Variants in PRLR observed in about 807,000 individuals in gnomAD.
PRLR encodes the protein hPRL receptor.
Under a neutral mutation model 40.2 loss-of-function variants are expected in PRLR, and 13 were observed. The observed-to-expected ratio is 0.32, with a 90% confidence interval of 0.21 to 0.51. The LOEUF is 0.51. PRLR is among the 20% of genes least tolerant of loss of function. The pLI is 0.97. For synonymous variants in PRLR, 269 were observed against 278.7 expected (o/e 0.97, Z 0.35); for missense variants, 656 against 747.3 (o/e 0.88, Z 1.42).
Position 35,148,882 on chromosome 5 carries a change from C to T in PRLR, c.-105-30760G>A, listed in dbSNP as rs547981911. On this transcript the variant is annotated intron_variant, in intron 1 of 9. Coordinates refer to ENST00000618457, the MANE Select transcript of PRLR (RefSeq NM_000949.7). ...TAAAAAAGAAACAAATTACAGGTAC[C>T]GTGTAAGTTCTAAGGGGTCTTGGAA... is the stretch of plus-strand genomic sequence containing the variant. 4.0e-5 allele frequency among the ~76,000 whole-genome samples: 6 copies of T among 151,874 alleles called. No individual in the cohort carries two copies. In the East Asian group the frequency reaches 7.7e-4, roughly 20 times the overall value.
At chr5:35,135,624 C>T (rs773292583) in intron 1 of PRLR, among the ~76,000 whole-genome samples, 1 of 152,310 alleles carries the variant, frequency 6.6e-6, no homozygotes, top group African/African-American at 2.4e-5. Context: ...GTTTGCCACA[C>T]CCTGGAGTTT....
At chr5:35,228,799 G>GCCCACA (rs1776617682) in intron 1 of PRLR, among the ~76,000 whole-genome samples, 1 of 152,144 alleles carries the variant, frequency 6.6e-6, no homozygotes, top group Admixed American at 6.5e-5. Context: ...CCCCCAAGAA[G>GCCCACA]GCTGTGGATT....
At chr5:35,183,160 CAG>C (rs1176629560) in intron 1 of PRLR, among the ~76,000 whole-genome samples, 1 of 152,134 alleles carries the variant, frequency 6.6e-6, no homozygotes, top group Admixed American at 6.5e-5. Flanking sequence ...CCACTCACTG[CAG>C]AGAGCTCCAA....
intron 9 of PRLR, among the ~76,000 whole-genome samples, chr5:35,066,761 C>CTTTTT (rs70973025): frequency 3.4e-5 from 4 of 116,598 alleles, no homozygotes; most frequent in Non-Finnish European, 5.1e-5. Context: ...ACTCTTGCCT[C>CTTTTT]TTTTTTTTTT....
At chr5:35,073,100 C>G (rs1032979370) in intron 5 of PRLR, among the ~76,000 whole-genome samples, 1 of 152,142 alleles carries the variant, frequency 6.6e-6, no homozygotes, top group Non-Finnish European at 1.5e-5. Flanking sequence ...GCATGGAAGA[C>G]TATAGGGAAA....
intron 1 of PRLR, among the ~76,000 whole-genome samples, chr5:35,175,073 A>T (rs1282919804): frequency 6.6e-6 from 1 of 152,212 alleles, no homozygotes; most frequent in Admixed American, 6.5e-5. Context: ...TTAAAGATAA[A>T]TGGATGGACA....
intron 9 of PRLR, 140 bp downstream of exon 9, chr5:35,068,076 C>T (rs888280312): frequency 2.8e-6 from 2 of 725,434 alleles, no homozygotes; most frequent in African/African-American, 1.7e-5. Context: ...TCTGTTAACA[C>T]ACATGCTGAC....
At chr5:35,105,210 C>T (rs186489324) in intron 2 of PRLR, among the ~76,000 whole-genome samples, 4 of 152,140 alleles carry the variant, frequency 2.6e-5, no homozygotes, top group Admixed American at 1.3e-4. Context: ...ACACCAAAAC[C>T]GCATCTGTAC....
intron 1 of PRLR, among the ~76,000 whole-genome samples, chr5:35,186,746 A>C (rs1579778873): frequency 6.6e-6 from 1 of 152,170 alleles, no homozygotes; most frequent in African/African-American, 2.4e-5. Flanking sequence ...ATTTTGCTCC[A>C]CCCTTGATTA....
chr5:35,070,080 A>G, intron 7 of PRLR, 44 bp downstream of exon 7: 1 of 1,577,184 alleles, frequency 6.3e-7, no homozygotes, highest in Non-Finnish European at 8.6e-7. Flanking sequence ...ATACCATTTA[A>G]AACATATTTA....
intron 1 of PRLR, among the ~76,000 whole-genome samples, chr5:35,229,977 G>C (rs1483884396): frequency 1.3e-5 from 2 of 152,232 alleles, no homozygotes; most frequent in African/African-American, 4.8e-5. Context: ...TGCGAGCCGA[G>C]TGCAGTTTGT....
chr5:35,219,243 C>T (rs1191307395), intron 1 of PRLR, among the ~76,000 whole-genome samples: 2 of 152,190 alleles, frequency 1.3e-5, no homozygotes, highest in African/African-American at 4.8e-5. Flanking sequence ...GCTTCAATTA[C>T]ATAGAAAAGT....
intron 1 of PRLR, among the ~76,000 whole-genome samples, chr5:35,148,973 T>C (rs1444362395): frequency 1.3e-5 from 2 of 152,108 alleles, no homozygotes; most frequent in Non-Finnish European, 2.9e-5. Flanking sequence ...ATTTACAGAA[T>C]TTCTTATATT....
chr5:35,113,758 C>T (rs1772843114), intron 2 of PRLR, among the ~76,000 whole-genome samples: 1 of 152,206 alleles, frequency 6.6e-6, no homozygotes, highest in South Asian at 2.1e-4. Context: ...ACCATGAGAA[C>T]CCATAGCGGG....
chr5:35,118,321 TAA>T (rs35030984), intron 1 of PRLR, among the ~76,000 whole-genome samples, 199 bp from the exon 2 acceptor site: 6,685 of 139,546 alleles, frequency 0.048, 160 homozygotes, highest in African/African-American at 0.056. Flanking sequence ...TATAAAATAG[TAA>T]AAAAAAAAAA....
In PRLR at chr5:35,063,087, T is replaced by C. The variant is rs1194503745; in HGVS notation, c.*2002A>G. On this transcript the variant is annotated 3_prime_UTR_variant, in exon 10 of 10. Transcript: ENST00000618457. ...TTCTGCAAATGGAATTTTCAAACAC[T>C]GCCCAGGTGATGCCTATGCAGTTGG... is the stretch of plus-strand genomic sequence containing the variant. 1 of 152,364 alleles carries C rather than the reference T, an allele frequency of 6.6e-6. No individual in the cohort carries two copies. The highest frequency in any genetic ancestry group is 2.4e-5 in the African/African-American group (1 of 41,588). 9.4% of individuals were successfully genotyped at this position (152,364 alleles called of 1,614,324 possible). A position where few individuals can be genotyped will look rare whatever the true frequency, so the allele number is the denominator to read the frequency against.
intron 1 of PRLR, among the ~76,000 whole-genome samples, chr5:35,214,924 T>C (rs1776250032): frequency 6.6e-6 from 1 of 152,168 alleles, no homozygotes; most frequent in Non-Finnish European, 1.5e-5. Flanking sequence ...TGGAAAATAG[T>C]TGACCATGAA....
At chr5:35,151,824 A>C (rs1356711752) in intron 1 of PRLR, among the ~76,000 whole-genome samples, 2 of 152,204 alleles carry the variant, frequency 1.3e-5, no homozygotes, top group Non-Finnish European at 2.9e-5. Context: ...GAGAACCCAG[A>C]CATTACACAA....
intron 1 of PRLR, among the ~76,000 whole-genome samples, chr5:35,129,130 T>C (rs1254572781): frequency 1.3e-5 from 2 of 152,198 alleles, no homozygotes; most frequent in South Asian, 4.1e-4. Flanking sequence ...CTCTCCTTTC[T>C]GGATGCTGGT....
Sources: allele counts gnomAD v4.1 joint callset (sites outside exome capture counted in the v4.1 genomes callset), GRCh38; gene constraint gnomAD v4.1.1; transcripts MANE v1.5; gene names NCBI Gene and HGNC (gene_info 2026-07-23, HGNC 2026-07-21).